MYO5B: variants seen among roughly 807,000 people sequenced by gnomAD.
MYO5B encodes the protein myosin VB.
In MYO5B, 143 loss-of-function variants were observed where a neutral mutation model predicts 229.3. That is an observed-to-expected ratio of 0.62 (90% confidence interval 0.54 to 0.72). The LOEUF is 0.72. Ranked by LOEUF, MYO5B falls within the 30% of genes least tolerant of loss-of-function variation. The pLI is 0.00. For missense variants in MYO5B, 2,321 were observed against 2,331.0 expected (o/e 1.00, Z 0.09); for synonymous variants, 918 against 885.2 (o/e 1.04, Z -0.66).
At position 50,194,902 on chromosome 18, in the gene MYO5B, A is replaced by C. The variant is rs1033129079; in HGVS notation, c.-109T>G. On this transcript the variant is annotated 5_prime_UTR_variant, in exon 1 of 40. Transcript: ENST00000285039. ...TCCCGGGCTGGCCTGGAGTTTCTCG[A>C]TCTTCTCGCTCTTCTCCGACCTGCC... 1.6e-6 allele frequency: 2 copies of C among 1,214,742 alleles called. No homozygotes were observed. The highest frequency in any genetic ancestry group is 6.8e-5 in the East Asian group (2 of 29,606). 75.2% of individuals were successfully genotyped at this position (1,214,742 alleles called of 1,614,324 possible). A position where few individuals can be genotyped will look rare whatever the true frequency, so the allele number is the denominator to read the frequency against.
intron 10 of MYO5B, among the ~76,000 whole-genome samples, chr18:49,966,495 C>T (rs892533092): frequency 6.6e-5 from 10 of 152,104 alleles, no homozygotes; most frequent in Non-Finnish European, 1.2e-4. Context: ...CTGCCTTCCC[C>T]GATCCTCCAC....
At chr18:50,087,068 C>A (rs2031345450) in intron 1 of MYO5B, among the ~76,000 whole-genome samples, 1 of 152,178 alleles carries the variant, frequency 6.6e-6, no homozygotes, top group Admixed American at 6.5e-5. Flanking sequence ...ACAAGGTAAC[C>A]ACCATGCCAT....
At chr18:49,879,428 T>C in intron 23 of MYO5B, 1 of 387,630 alleles carries the variant, frequency 2.6e-6, no homozygotes, top group Non-Finnish European at 4.9e-6. Context: ...TGAAGGCTTA[T>C]TCCACACTCC....
intron 4 of MYO5B, among the ~76,000 whole-genome samples, chr18:50,006,416 T>C (rs1410307728): frequency 6.6e-6 from 1 of 152,184 alleles, no homozygotes; most frequent in Admixed American, 6.5e-5. Flanking sequence ...AATTTAGTAC[T>C]CAGCCATGAT....
Position 49,953,437 on chromosome 18 carries a change from G to A in MYO5B, c.1669-94C>T, listed in dbSNP as rs1353326509. Reference sequence around the variant, plus strand: ...TCATCCAGGTAGCATTTTCTGAAAAGAGCTGTGAGTAGATAGGAAACCCAC... The same window carrying A: ...TCATCCAGGTAGCATTTTCTGAAAAAAGCTGTGAGTAGATAGGAAACCCAC... On this transcript the variant is annotated intron_variant, in intron 13 of 39. Coordinates refer to ENST00000285039, the MANE Select transcript of MYO5B (RefSeq NM_001080467.3). 8.2e-6 allele frequency: 9 copies of A among 1,103,154 alleles called. No homozygotes were observed. In the East Asian group the frequency reaches 1.7e-4, roughly 20 times the overall value. The allele number at this position is 1,103,154 out of a possible 1,614,324, so 68.3% of individuals were successfully genotyped here.
At chr18:49,839,359 G>A (rs2024029513) in intron 35 of MYO5B, 65 bp from the exon 36 acceptor site, 3 of 1,584,192 alleles carry the variant, frequency 1.9e-6, no homozygotes, top group East Asian at 4.5e-5. Flanking sequence ...AACTTCCAGG[G>A]CTCTGGTAAC....
Position 49,937,289 on chromosome 18 carries a change from T to A in MYO5B, c.1861A>T (p.Met621Leu), listed in dbSNP as rs200891104. The stretch of plus-strand genomic sequence containing the variant: ...TTGTGCTCCTTGTTGGAGACTTTCA[T>A]GGGGGGTCTGGCAGAACGGACGCTG... The part of the protein sequence containing the change: ...KISVRSARPP[M>L]KVSNKEHKKT... The change falls in exon 15 of 40, where the codon ATG becomes TTG. Residue 621 changes from methionine (M) to leucine (L), a missense_variant. Met to Leu is a conservative substitution (Grantham distance 15). Coordinates refer to ENST00000285039, the MANE Select transcript of MYO5B (RefSeq NM_001080467.3). 6.2e-7 allele frequency: 1 copy of A among 1,614,018 alleles called. No individual in the cohort carries two copies. Among genetic ancestry groups the A allele is most frequent in the East Asian group, 2.2e-5 (1 of 44,894 alleles).
intron 1 of MYO5B, among the ~76,000 whole-genome samples, chr18:50,139,731 C>T (rs1347045312): frequency 6.6e-6 from 1 of 152,110 alleles, no homozygotes; most frequent in African/African-American, 2.4e-5. Flanking sequence ...TCCACATGTC[C>T]CGAGAAGATG....
chr18:50,174,986 C>T (rs1415735803), intron 1 of MYO5B, among the ~76,000 whole-genome samples: 1 of 152,148 alleles, frequency 6.6e-6, no homozygotes, highest in Non-Finnish European at 1.5e-5. Flanking sequence ...AGGCCACTGG[C>T]ACATCTTGGA....
chr18:50,142,338 C>G (rs1457450837), intron 1 of MYO5B, among the ~76,000 whole-genome samples: 2 of 152,208 alleles, frequency 1.3e-5, no homozygotes, highest in South Asian at 4.1e-4. Context: ...GCTCATATTT[C>G]CTTAATCAAA....
At chr18:49,905,234 G>GT (rs2024886530) in intron 19 of MYO5B, among the ~76,000 whole-genome samples, 1 of 152,206 alleles carries the variant, frequency 6.6e-6, no homozygotes, top group Admixed American at 6.5e-5. Flanking sequence ...CCCAGGGGCT[G>GT]TGTCTCCATC....
chr18:50,074,312 T>C (rs949714100), intron 1 of MYO5B, among the ~76,000 whole-genome samples: 2 of 152,234 alleles, frequency 1.3e-5, no homozygotes, highest in Admixed American at 1.3e-4. Context: ...ATGGGAATTC[T>C]GGGAGATACA....
At chr18:50,000,161 G>C (rs1415567148) in intron 5 of MYO5B, among the ~76,000 whole-genome samples, 1 of 152,188 alleles carries the variant, frequency 6.6e-6, no homozygotes, top group Non-Finnish European at 1.5e-5. Context: ...GAGAGAAAGA[G>C]GGGACTGGGG....
intron 1 of MYO5B, among the ~76,000 whole-genome samples, chr18:50,068,839 C>T (rs1311594820): frequency 3.3e-5 from 5 of 152,202 alleles, no homozygotes; most frequent in South Asian, 2.1e-4. Context: ...AAGCTCTCAA[C>T]ACTCCATTTG....
chr18:50,044,175 T>TG (rs2030154030), intron 2 of MYO5B, among the ~76,000 whole-genome samples: 1 of 151,754 alleles, frequency 6.6e-6, no homozygotes, highest in Non-Finnish European at 1.5e-5. Context: ...AGAAAAGAGG[T>TG]GGGGGCTGCA....
intron 1 of MYO5B, among the ~76,000 whole-genome samples, chr18:50,122,559 C>T (rs1296848620): frequency 7.5e-6 from 1 of 134,140 alleles, no homozygotes. Context: ...TGCCACTGCA[C>T]TCCAGCCTGG....
chr18:49,894,131 C>A (rs1217104422), intron 22 of MYO5B, among the ~76,000 whole-genome samples: 2 of 152,198 alleles, frequency 1.3e-5, no homozygotes, highest in Admixed American at 6.5e-5. Flanking sequence ...CAGCATCCAG[C>A]CTGCCCCAAT....
rs1215734964 is a variant in MYO5B at position 50,059,812 on chromosome 18, G to A, written c.28-4434C>T. Among the ~76,000 whole-genome samples, 5 of 152,328 alleles carry A rather than the reference G, an allele frequency of 3.3e-5. No homozygotes were observed. The South Asian group carries it at 6.2e-4, about 19-fold the overall frequency. On this transcript the variant is annotated intron_variant, in intron 1 of 39. Coordinates refer to ENST00000285039, the MANE Select transcript of MYO5B (RefSeq NM_001080467.3). ...ATGTCATCCATACTGCATATAATGA[G>A]AAATTTATAGATCTTCCAAGGGTAA...
intron 31 of MYO5B, 60 bp downstream of exon 31, chr18:49,853,389 C>T: frequency 6.3e-7 from 1 of 1,584,376 alleles, no homozygotes; most frequent in Non-Finnish European, 8.7e-7. Context: ...CAACCCCGAT[C>T]CCATTTGCTT....
Sources: allele counts gnomAD v4.1 joint callset (sites outside exome capture counted in the v4.1 genomes callset), GRCh38; gene constraint gnomAD v4.1.1; transcripts MANE v1.5; gene names NCBI Gene and HGNC (gene_info 2026-07-23, HGNC 2026-07-21).